Variants in DPP10 observed in about 807,000 individuals in gnomAD.
DPP10 encodes dipeptidyl peptidase like 10.
A neutral mutation model predicts 120.9 loss-of-function variants in DPP10; 33 were observed. The observed-to-expected ratio is 0.27, with a 90% CI of 0.21 to 0.37. The LOEUF (loss-of-function observed/expected upper bound fraction) is 0.37. Among genes scored for constraint, DPP10 ranks in the 10% least tolerant of loss-of-function variants. The pLI is 1.00. For synonymous variants in DPP10, 337 were observed against 326.1 expected, an observed-to-expected ratio of 1.03 and a Z score of -0.36; for missense variants, 816 against 942.8, an observed-to-expected ratio of 0.87 and a Z score of 1.76.
chr2:114,669,053 A>G (rs1422941833), intron 1 of DPP10, among the ~76,000 whole-genome samples: 4 of 152,172 alleles, frequency 2.6e-5, no homozygotes, highest in African/African-American at 9.7e-5. Flanking sequence ...TATTACTTAA[A>G]GCATAGTGAT....
chr2:115,813,045 A>G lies in DPP10; in HGVS notation c.1701-1748A>G, dbSNP rs566073342. Among the ~76,000 whole-genome samples the G allele has an allele frequency of 1.7e-3, 217 of 126,612 alleles. 2 individuals are homozygous for G. The highest frequency in any genetic ancestry group is 6.0e-3 in the Middle Eastern group (1 of 166). The allele number at this position is 126,612 out of a possible 152,430, so 83.1% of individuals were successfully genotyped here. On this transcript the variant is annotated intron_variant, in intron 19 of 25. Coordinates refer to ENST00000410059, the MANE Select transcript of DPP10 (RefSeq NM_020868.6). ...GCCGGACTGCGGACTGCAGTGGCGCAATCTCGGCTCACTGCAAGCTCCGCT... is the reference window on the plus strand; with the variant it reads ...GCCGGACTGCGGACTGCAGTGGCGCGATCTCGGCTCACTGCAAGCTCCGCT...
intron 1 of DPP10, among the ~76,000 whole-genome samples, chr2:115,071,708 C>G (rs188347669): frequency 2.6e-5 from 4 of 151,698 alleles, no homozygotes; most frequent in African/African-American, 9.7e-5. Context: ...ATGAGCTCTA[C>G]GGAGCATTTG....
intron 5 of DPP10, among the ~76,000 whole-genome samples, chr2:115,624,135 C>A (rs2085184005): frequency 6.6e-6 from 1 of 152,206 alleles, no homozygotes; most frequent in South Asian, 2.1e-4. Context: ...ACTTTAAAAT[C>A]TTGGAGAAGA....
At chr2:115,703,870 C>A (rs1370617970) in intron 7 of DPP10, among the ~76,000 whole-genome samples, 1 of 151,976 alleles carries the variant, frequency 6.6e-6, no homozygotes, top group African/African-American at 2.4e-5. Context: ...TTTGTTCCCA[C>A]CTGTTCTTTC....
chr2:115,561,724 G>A lies in DPP10; in HGVS notation c.441+35752G>A, dbSNP rs116335649. Among the ~76,000 whole-genome samples, 1,211 of 152,164 alleles carry A rather than the reference G, an allele frequency of 8.0e-3. 18 individuals are homozygous for A. Among genetic ancestry groups the A allele is most frequent in the African/African-American group, 0.026 (1,072 of 41,512 alleles). On this transcript the variant is annotated intron_variant, in intron 5 of 25. Transcript: ENST00000410059. ...TTATGGAAGGAAAATAGACAAAGAC[G>A]TATTATTGATTTTCTTCTTAATCTT... is the stretch of plus-strand genomic sequence containing the variant.
chr2:114,489,594 AAC>A (rs1241343232), intron 1 of DPP10, among the ~76,000 whole-genome samples: 1 of 152,228 alleles, frequency 6.6e-6, no homozygotes, highest in Non-Finnish European at 1.5e-5. Flanking sequence ...ATCAGTGCTC[AAC>A]ACACTGCATT....
chr2:115,835,501 A>T (rs1689392145), intron 21 of DPP10, among the ~76,000 whole-genome samples: 1 of 152,166 alleles, frequency 6.6e-6, no homozygotes, highest in Admixed American at 6.5e-5. Flanking sequence ...TTTCCTTTAT[A>T]GACATAAATT....
intron 21 of DPP10, among the ~76,000 whole-genome samples, chr2:115,823,268 T>C (rs2150068266): frequency 6.6e-6 from 1 of 152,280 alleles, no homozygotes; most frequent in East Asian, 1.9e-4. Flanking sequence ...GTATGCTGAA[T>C]TGGGACCACA....
chr2:115,796,878 A>G (rs2149943343), intron 19 of DPP10, among the ~76,000 whole-genome samples: 1 of 152,220 alleles, frequency 6.6e-6, no homozygotes, highest in African/African-American at 2.4e-5. Flanking sequence ...TGTTCCCCCA[A>G]GTTCACAGAA....
At chr2:115,494,672 T>C (rs2148761849) in intron 3 of DPP10, among the ~76,000 whole-genome samples, 1 of 152,298 alleles carries the variant, frequency 6.6e-6, no homozygotes, top group East Asian at 1.9e-4. Flanking sequence ...GATAGTCATT[T>C]CATTTTTTCC....
chr2:114,972,397 T>C (rs1179788026), intron 1 of DPP10, among the ~76,000 whole-genome samples: 1 of 152,182 alleles, frequency 6.6e-6, no homozygotes, highest in African/African-American at 2.4e-5. Flanking sequence ...TATTGTATAT[T>C]ATTTGTCATT....
At chr2:115,643,229 C>T (rs778431120) in intron 5 of DPP10, among the ~76,000 whole-genome samples, 22 of 152,026 alleles carry the variant, frequency 1.4e-4, no homozygotes, top group Middle Eastern at 6.8e-3. Flanking sequence ...TGTTACGGTA[C>T]GTACAACTTG....
chr2:115,103,939 C>T (rs970205063), intron 1 of DPP10, among the ~76,000 whole-genome samples: 1 of 152,050 alleles, frequency 6.6e-6, no homozygotes, highest in African/African-American at 2.4e-5. Flanking sequence ...TATACTGTAC[C>T]TAATGAGATA....
At chr2:114,681,538 TACA>T (rs1699026200) in intron 1 of DPP10, among the ~76,000 whole-genome samples, 1 of 152,048 alleles carries the variant, frequency 6.6e-6, no homozygotes, top group Admixed American at 6.6e-5. Context: ...AGATTCTCAT[TACA>T]ACTGTATTCC....
intron 5 of DPP10, among the ~76,000 whole-genome samples, chr2:115,665,290 G>C (rs890263042): frequency 2.0e-5 from 3 of 152,126 alleles, no homozygotes; most frequent in African/African-American, 7.2e-5. Context: ...ATCACAACTT[G>C]TTTGTCAAAG....
intron 1 of DPP10, among the ~76,000 whole-genome samples, chr2:114,482,135 T>C (rs10195625): frequency 0.077 from 11,747 of 152,030 alleles, 1,472 homozygotes; most frequent in African/African-American, 0.27. Context: ...GATTACAATT[T>C]GGGATGATAT....
chr2:115,483,437 G>GTCTATCTA lies in DPP10; in HGVS notation c.272-16037_272-16030dup, dbSNP rs1239559179. 2.2e-3 allele frequency among the ~76,000 whole-genome samples: 314 copies of GTCTATCTA among 145,760 alleles called. 1 individual carries two copies. Among genetic ancestry groups the GTCTATCTA allele is most frequent in the African/African-American group, 7.3e-3 (284 of 38,866 alleles). ...CACTGCCTGATATGTCTATCTGTCT[G>GTCTATCTA]TCTATCTATCTATCTATCTATCTAT... On this transcript the variant is annotated intron_variant, in intron 3 of 25. Coordinates refer to ENST00000410059, the MANE Select transcript of DPP10 (RefSeq NM_020868.6).
intron 1 of DPP10, among the ~76,000 whole-genome samples, chr2:114,643,746 C>T (rs1695888884): frequency 6.6e-6 from 1 of 151,512 alleles, no homozygotes; most frequent in Non-Finnish European, 1.5e-5. Flanking sequence ...CTTCCAGGTT[C>T]TAGTTTGTTT....
At chr2:114,800,386 A>G (rs12991307) in intron 1 of DPP10, among the ~76,000 whole-genome samples, 9,097 of 152,312 alleles carry the variant, frequency 0.06, 306 homozygotes, top group South Asian at 0.1. Flanking sequence ...TTTTTCTAGA[A>G]CACTGATTTT....
Sources: allele counts gnomAD v4.1 joint callset (sites outside exome capture counted in the v4.1 genomes callset), GRCh38; gene constraint gnomAD v4.1.1; transcripts MANE v1.5; gene names NCBI Gene and HGNC (gene_info 2026-07-23, HGNC 2026-07-21).